PPFIA1: variants seen among roughly 807,000 people sequenced by gnomAD.
PPFIA1 encodes liprin-alpha-1.
Under a neutral mutation model 149.9 loss-of-function variants are expected in PPFIA1, and 25 were observed. The ratio of observed to expected loss-of-function variants is 0.17; its 90% CI spans 0.12 to 0.23. The LOEUF (loss-of-function observed/expected upper bound fraction) is 0.23. Ranked by LOEUF, PPFIA1 falls within the 10% of genes least tolerant of loss-of-function variation. PPFIA1 has a pLI of 1.00. For missense variants in PPFIA1, 1,362 were observed against 1,506.5 expected, an observed-to-expected ratio of 0.90 and a Z score of 1.59; for synonymous variants, 549 against 552.8, an observed-to-expected ratio of 0.99 and a Z score of 0.10.
chr11:70,322,704 GTATAA>G (rs2136743887), intron 2 of PPFIA1, among the ~76,000 whole-genome samples: 1 of 152,274 alleles, frequency 6.6e-6, no homozygotes, highest in Admixed American at 6.5e-5. Context: ...AAAACTCACT[GTATAA>G]TATGTTTATA....
At chr11:70,308,503 A>T (rs1175148006) in intron 2 of PPFIA1, among the ~76,000 whole-genome samples, 1 of 152,270 alleles carries the variant, frequency 6.6e-6, no homozygotes, top group Non-Finnish European at 1.5e-5. Context: ...GATCAATGCC[A>T]AAAGTCACAT....
chr11:70,283,790 G>A (rs938432515), intron 2 of PPFIA1, among the ~76,000 whole-genome samples: 8 of 151,748 alleles, frequency 5.3e-5, no homozygotes, highest in African/African-American at 1.9e-4. Context: ...GGGTGGGGGA[G>A]AGTAAAGAGG....
chr11:70,344,101 T>TA (rs2055527481), intron 15 of PPFIA1, among the ~76,000 whole-genome samples: 2 of 152,246 alleles, frequency 1.3e-5, no homozygotes, highest in African/African-American at 2.4e-5. Context: ...TCCCCACAGT[T>TA]ACGGCACTAG....
chr11:70,339,092 T>G, intron 13 of PPFIA1, 79 bp from the exon 14 acceptor site: 3 of 1,544,962 alleles, frequency 1.9e-6, no homozygotes, highest in Non-Finnish European at 2.6e-6. Context: ...TTTTCCAAAT[T>G]GATAGATTCT....
chr11:70,297,925 C>A (rs1216720761), intron 2 of PPFIA1, among the ~76,000 whole-genome samples: 2 of 152,188 alleles, frequency 1.3e-5, no homozygotes, highest in Non-Finnish European at 2.9e-5. Context: ...GCATGCCTGA[C>A]AAATGGCAAC....
In PPFIA1 at chr11:70,376,689, A is replaced by C. The variant is rs182346068; in HGVS notation, c.3384+89A>C. On this transcript the variant is annotated intron_variant, in intron 25 of 27. Coordinates refer to ENST00000253925, the MANE Select transcript of PPFIA1 (RefSeq NM_003626.5). ...AAATGTAAGCTGTTATTATTATTAT[A>C]CTTGGGACATCATGTAGCTAGGCAG... The C allele has an allele frequency of 2.7e-6, 3 of 1,120,122 alleles. No individual in the cohort carries two copies. The African/African-American group carries it at 4.6e-5, about 17-fold the overall frequency. The allele number at this position is 1,120,122 out of a possible 1,614,324, so 69.4% of individuals were successfully genotyped here.
Position 70,326,957 on chromosome 11 carries a change from AAAAG to A in PPFIA1, c.930+141_930+144del, listed in dbSNP as rs1311456785. 20 of 744,448 alleles carry A rather than the reference AAAAG, an allele frequency of 2.7e-5. No individual in the cohort carries two copies. In the South Asian group the frequency reaches 3.2e-4, roughly 12 times the overall value. The allele number at this position is 744,448 out of a possible 1,614,324, so 46.1% of individuals were successfully genotyped here. ...TGGATTATTGTATAAGTTATATTGA[AAAAG>A]AGAGAGTGCTGTGAAACTGCCATAA... On this transcript the variant is annotated intron_variant, in intron 7 of 27. Coordinates refer to ENST00000253925, the MANE Select transcript of PPFIA1 (RefSeq NM_003626.5).
intron 16 of PPFIA1, 39 bp downstream of exon 16, chr11:70,348,459 C>T: frequency 6.7e-7 from 1 of 1,483,588 alleles, no homozygotes; most frequent in Non-Finnish European, 9.4e-7. Context: ...CTGCCCTCAG[C>T]ATACCTGTAT....
At chr11:70,371,685 T>C (rs962762957) in intron 21 of PPFIA1, 1 of 151,422 alleles carries the variant, frequency 6.6e-6, no homozygotes, top group Non-Finnish European at 1.5e-5. Flanking sequence ...TTGAATTTTT[T>C]CAACTATAAT....
chr11:70,297,492 C>T (rs915011657), intron 2 of PPFIA1, among the ~76,000 whole-genome samples: 1 of 152,180 alleles, frequency 6.6e-6, no homozygotes, highest in Admixed American at 6.6e-5. Context: ...TCCTTGTACT[C>T]AGTGTGTCCA....
intron 26 of PPFIA1, among the ~76,000 whole-genome samples, chr11:70,379,480 T>A (rs2057619691): frequency 6.6e-6 from 1 of 152,004 alleles, no homozygotes; most frequent in South Asian, 2.1e-4. Flanking sequence ...AATTTTTTTT[T>A]AAGTGCTAAT....
At chr11:70,354,573 T>C in intron 17 of PPFIA1, 121 bp downstream of exon 17, 1 of 1,114,892 alleles carries the variant, frequency 9.0e-7, no homozygotes, top group South Asian at 1.7e-5. Flanking sequence ...ATTAATTCAG[T>C]TGAGTGTATT....
chr11:70,371,023 C>G (rs2135364429), intron 21 of PPFIA1, among the ~76,000 whole-genome samples: 1 of 152,148 alleles, frequency 6.6e-6, no homozygotes, highest in South Asian at 2.1e-4. Flanking sequence ...ATCCCAGATA[C>G]TCGGGAGGCT....
intron 26 of PPFIA1, among the ~76,000 whole-genome samples, chr11:70,380,789 A>T (rs1226817255): frequency 6.6e-6 from 1 of 151,906 alleles, no homozygotes; most frequent in Admixed American, 6.6e-5. Context: ...TATAAAGAAG[A>T]CTTTTTACCC....
At chr11:70,356,581 A>G (rs1204953327) in intron 19 of PPFIA1, among the ~76,000 whole-genome samples, 7 of 152,184 alleles carry the variant, frequency 4.6e-5, no homozygotes, top group Non-Finnish European at 1.0e-4. Context: ...GTGGCCTAGC[A>G]TCTCTGTGCT....
At chr11:70,361,771 A>G (rs1162711087) in intron 19 of PPFIA1, among the ~76,000 whole-genome samples, 2 of 148,258 alleles carry the variant, frequency 1.3e-5, no homozygotes, top group African/African-American at 5.0e-5. Context: ...ATGCGTCACC[A>G]TACCTGGCTG....
chr11:70,345,545 G>A (rs548990530), intron 15 of PPFIA1, among the ~76,000 whole-genome samples: 2 of 152,158 alleles, frequency 1.3e-5, no homozygotes, highest in East Asian at 3.9e-4. Context: ...TGAACAGCTG[G>A]AAGGATGGAG....
At chr11:70,331,620 A>C (rs1028027908) in intron 8 of PPFIA1, among the ~76,000 whole-genome samples, 21 of 151,992 alleles carry the variant, frequency 1.4e-4, no homozygotes, top group African/African-American at 4.4e-4. Flanking sequence ...TCTCTACTAA[A>C]AATACAAAAA....
intron 2 of PPFIA1, among the ~76,000 whole-genome samples, chr11:70,295,293 ACCTCCCTCCCGGATGGGGCG>A (rs2051848843): frequency 1.3e-5 from 1 of 74,198 alleles, no homozygotes; most frequent in African/African-American, 6.9e-5. Context: ...TGACCCCCCC[ACCTCCCTCCCGGATGGGGCG>A]GCTGGCTGGG....
Sources: allele counts gnomAD v4.1 joint callset (sites outside exome capture counted in the v4.1 genomes callset), GRCh38; gene constraint gnomAD v4.1.1; transcripts MANE v1.5; gene names NCBI Gene and HGNC (gene_info 2026-07-23, HGNC 2026-07-21).